RGS13: variants seen among roughly 807,000 people sequenced by gnomAD.
The protein encoded by RGS13 is regulator of G protein signaling 13.
Under a neutral mutation model 19.9 loss-of-function variants are expected in RGS13, and 14 were observed. The observed-to-expected ratio is 0.70, with a 90% CI of 0.46 to 1.10. The LOEUF (loss-of-function observed/expected upper bound fraction) is 1.10, where lower values mean the gene tolerates loss of function less well. Among genes scored for constraint, RGS13 ranks in the 50% least tolerant of loss-of-function variants. The pLI is 0.00. For missense variants in RGS13, 205 were observed against 187.1 expected (o/e 1.10, Z -0.56); for synonymous variants, 60 against 56.8 (o/e 1.06, Z -0.25).
In RGS13 at chr1:192,658,377, T is replaced by TG. The variant is rs1459001794; in HGVS notation, c.294+11dup. ...ACAGTCCCCTAGAGAGGTAACTACC[T>TG]GACAATGACAGGAATGGAAATCAGT... On this transcript the variant is annotated intron_variant, in intron 6 of 6. Transcript: ENST00000391995. 2 of 1,604,436 alleles carry TG rather than the reference T, an allele frequency of 1.2e-6. No individual in the cohort carries two copies. The highest frequency in any genetic ancestry group is 4.5e-5 in the East Asian group (2 of 44,710).
Position 192,659,435 on chromosome 1 carries a change from A to G in RGS13, c.392A>G (p.His131Arg), listed in dbSNP as rs759323270. ...FEEAQKIVYM[H>R]MERDSYPRFL... is the part of the protein sequence containing the mutation. Reference sequence around the variant, plus strand: ...GAAGCTCAGAAAATAGTCTATATGCATATGGAAAGGGATTCCTACCCCAGA... The same window carrying G: ...GAAGCTCAGAAAATAGTCTATATGCGTATGGAAAGGGATTCCTACCCCAGA... Residue 131 changes from histidine (H) to arginine (R), a missense_variant, in exon 7 of 7, where the codon CAT (histidine) becomes CGT (arginine). Coordinates refer to ENST00000391995, the MANE Select transcript of RGS13 (RefSeq NM_002927.5). 1 of 1,612,830 alleles carries G rather than the reference A, an allele frequency of 6.2e-7. No individual in the cohort carries two copies. The highest frequency in any genetic ancestry group is 1.1e-5 in the South Asian group (1 of 91,016).
chr1:192,642,214 A>G (rs1379777421), intron 3 of RGS13, among the ~76,000 whole-genome samples: 1 of 152,164 alleles, frequency 6.6e-6, no homozygotes, highest in African/African-American at 2.4e-5. Context: ...TTCTTGCTGC[A>G]GTGAACATTT....
chr1:192,659,465 T>C lies in RGS13; in HGVS notation c.422T>C (p.Leu141Pro). Reference protein sequence around the residue: ...HMERDSYPRFLKSEMYQKLLK... With the variant: ...HMERDSYPRFPKSEMYQKLLK... ...GAAAGGGATTCCTACCCCAGATTTC[T>C]AAAGTCAGAAATGTACCAAAAACTT... The change falls in exon 7 of 7, where the codon CTA (leucine) becomes CCA (proline). Residue 141 changes from leucine (L) to proline (P), a missense_variant. Transcript: ENST00000391995. 2 of 1,612,964 alleles carry C rather than the reference T, an allele frequency of 1.2e-6. No homozygotes were observed. Among genetic ancestry groups the C allele is most frequent in the East Asian group, 2.2e-5 (1 of 44,692 alleles).
rs1264681629 is a variant in RGS13, at chr1:192,660,174, T to G, written c.*651T>G. The G allele has an allele frequency of 6.6e-6, 1 of 152,096 alleles. No individual in the cohort carries two copies. Among genetic ancestry groups the G allele is most frequent in the Non-Finnish European group, 1.5e-5 (1 of 67,970 alleles). 9.4% of individuals were successfully genotyped at this position (152,096 alleles called of 1,614,324 possible). ...TCTACATTGCTATAAGGATATAAAA[T>G]GTGGTTTCTATATTTTGAGATGTTT... is the stretch of plus-strand genomic sequence containing the variant. On this transcript the variant is annotated 3_prime_UTR_variant, in exon 7 of 7. Transcript: ENST00000391995.
intron 5 of RGS13, among the ~76,000 whole-genome samples, chr1:192,656,484 C>T (rs1270667931): frequency 6.6e-6 from 1 of 152,014 alleles, no homozygotes; most frequent in Non-Finnish European, 1.5e-5. Context: ...TGAGACAAGA[C>T]ACAACTTAGA....
chr1:192,657,734 G>C (rs928485965), intron 5 of RGS13, among the ~76,000 whole-genome samples: 2 of 152,124 alleles, frequency 1.3e-5, no homozygotes, highest in Non-Finnish European at 2.9e-5. Context: ...AAACTAATTA[G>C]AGTATCACTC....
intron 1 of RGS13, among the ~76,000 whole-genome samples, chr1:192,637,255 TA>T (rs2102026578): frequency 6.6e-6 from 1 of 151,952 alleles, no homozygotes; most frequent in African/African-American, 2.4e-5. Context: ...AAGTACACAC[TA>T]GTTTTACCAA....
Position 192,647,895 on chromosome 1 carries a change from C to G in RGS13, c.66-31C>G, listed in dbSNP as rs1448633380. 2.0e-6 allele frequency: 3 copies of G among 1,483,824 alleles called. No individual in the cohort carries two copies. The East Asian group carries it at 7.2e-5, about 36-fold the overall frequency. 91.9% of individuals were successfully genotyped at this position (1,483,824 alleles called of 1,614,324 possible). ...CAACAAAAACCTTGAGAATATTTAG[C>G]CCAATCAGTGCTTTTTGTTTCTTTT... is the stretch of plus-strand genomic sequence containing the variant. On this transcript the variant is annotated intron_variant, in intron 4 of 6. Transcript: ENST00000391995.
intron 6 of RGS13, chr1:192,658,782 G>GGACA: frequency 5.8e-6 from 1 of 172,174 alleles, no homozygotes; most frequent in East Asian, 1.6e-4. Context: ...TAAAGACAGA[G>GGACA]GACAGTATAT....
chr1:192,657,927 T>C (rs1663473021), intron 5 of RGS13, among the ~76,000 whole-genome samples: 1 of 152,156 alleles, frequency 6.6e-6, no homozygotes, highest in Non-Finnish European at 1.5e-5. Context: ...CTGTCCTATC[T>C]GTCCTAGACT....
chr1:192,649,620 C>A (rs998613759), intron 5 of RGS13, among the ~76,000 whole-genome samples: 1 of 152,106 alleles, frequency 6.6e-6, no homozygotes, highest in Non-Finnish European at 1.5e-5. Flanking sequence ...TACACCCTAA[C>A]CCAAAACATT....
intron 3 of RGS13, among the ~76,000 whole-genome samples, 179 bp downstream of exon 3, chr1:192,638,382 G>C (rs1169613111): frequency 6.6e-6 from 1 of 151,804 alleles, no homozygotes; most frequent in Non-Finnish European, 1.5e-5. Context: ...ATAAACTCAG[G>C]TGGTCAATCT....
rs566718069 is a variant in RGS13, at chr1:192,655,508, A to G, written c.128-2693A>G. Among the ~76,000 whole-genome samples the G allele has an allele frequency of 2.0e-5, 3 of 152,238 alleles. No individual in the cohort carries two copies. In the East Asian group the frequency reaches 5.8e-4, roughly 29 times the overall value. ...TCTTCTTGTGGTGGCTGTGGGACAT[A>G]GGAAATAGAACCACATGATAGTTCT... is the stretch of plus-strand genomic sequence containing the variant. On this transcript the variant is annotated intron_variant, in intron 5 of 6. Transcript: ENST00000391995.
intron 3 of RGS13, among the ~76,000 whole-genome samples, chr1:192,642,378 A>G (rs898725400): frequency 6.7e-6 from 1 of 150,026 alleles, no homozygotes; most frequent in African/African-American, 2.5e-5. Flanking sequence ...CTGGAGTGCA[A>G]TGGTGTGATC....
At chr1:192,640,882 C>T (rs964474853) in intron 3 of RGS13, among the ~76,000 whole-genome samples, 5 of 152,102 alleles carry the variant, frequency 3.3e-5, no homozygotes, top group African/African-American at 1.2e-4. Flanking sequence ...TCTTCAGGAA[C>T]CTGAAATTCT....
chr1:192,641,525 C>T (rs1314464391), intron 3 of RGS13, among the ~76,000 whole-genome samples: 3 of 152,090 alleles, frequency 2.0e-5, no homozygotes, highest in Admixed American at 1.3e-4. Flanking sequence ...CCACTCTCAG[C>T]AATGTCATTA....
intron 5 of RGS13, among the ~76,000 whole-genome samples, chr1:192,653,248 T>C (rs1663376752): frequency 6.6e-6 from 1 of 151,832 alleles, no homozygotes; most frequent in South Asian, 2.1e-4. Flanking sequence ...AAAGAAATGG[T>C]CAGTAAAAAT....
chr1:192,644,309 A>G, intron 3 of RGS13, 22 bp from the exon 4 acceptor site: 1 of 1,524,276 alleles, frequency 6.6e-7, no homozygotes, highest in South Asian at 1.1e-5. Flanking sequence ...AAATTATACA[A>G]ATATATACTG....
At chr1:192,646,395 T>G (rs1038597231) in intron 4 of RGS13, 1 of 152,198 alleles carries the variant, frequency 6.6e-6, no homozygotes, top group Non-Finnish European at 1.5e-5. Context: ...TGCGTGTCTA[T>G]AGCCATCTTC....
Sources: gnomAD v4.1 joint callset for allele counts (sites outside exome capture counted in the v4.1 genomes callset) on GRCh38, gnomAD v4.1.1 for gene constraint, MANE v1.5 for transcripts, NCBI Gene and HGNC (gene_info 2026-07-23, HGNC 2026-07-21) for gene names.